DPP8: variants seen among roughly 807,000 people sequenced by gnomAD.
The protein encoded by DPP8 is DPP VIII.
DPP8 carries 31 observed loss-of-function variants against 107.5 expected under a neutral mutation model. That is an observed-to-expected ratio of 0.29 (90% confidence interval 0.22 to 0.39). The LOEUF is 0.39. Among genes scored for constraint, DPP8 ranks in the 10% least tolerant of loss-of-function variants. The pLI is 1.00. For missense variants in DPP8, 842 were observed against 1,076.1 expected (o/e 0.78, Z 3.04); for synonymous variants, 381 against 356.6 (o/e 1.07, Z -0.77).
chr15:65,485,069 CAGA>C, intron 8 of DPP8, 27 bp downstream of exon 8: 1 of 1,558,370 alleles, frequency 6.4e-7, no homozygotes, highest in Non-Finnish European at 8.9e-7. Flanking sequence ...TCAAATGACG[CAGA>C]AGGTCAACTC....
At chr15:65,453,258 C>T (rs1461955817) in intron 17 of DPP8, among the ~76,000 whole-genome samples, 5 of 152,182 alleles carry the variant, frequency 3.3e-5, no homozygotes, top group Admixed American at 2.0e-4. Flanking sequence ...AAACAGGTCC[C>T]TGCCCTCATA....
rs776564607 is a variant in DPP8, at chr15:65,463,782, C to T, written c.1950G>A (p.Leu650=). The T allele has an allele frequency of 3.7e-6, 6 of 1,612,930 alleles. No homozygotes were observed. In the African/African-American group the frequency reaches 4.0e-5, roughly 11 times the overall value. Residue 650 remains leucine, a synonymous_variant, in exon 15 of 20, where the codon CTG becomes CTA. Transcript: ENST00000300141. ...LQPGKKYPTV[L]FIYGGPQVQL... Reference sequence around the variant, plus strand: ...CCACCTGAGGACCACCATATATGAACAGCACAGTAGGATATTTCTTTCCAG... The same window carrying T: ...CCACCTGAGGACCACCATATATGAATAGCACAGTAGGATATTTCTTTCCAG...
At chr15:65,474,065 T>C (rs960301704) in intron 12 of DPP8, 144 bp downstream of exon 12, 5 of 626,532 alleles carry the variant, frequency 8.0e-6, no homozygotes, top group African/African-American at 5.5e-5. Context: ...GATCACCCCA[T>C]TGCACTCCAG....
chr15:65,483,727 G>A lies in DPP8; in HGVS notation c.1017+1372C>T, dbSNP rs1377387909. On this transcript the variant is annotated intron_variant, in intron 8 of 19. Transcript: ENST00000300141. ...AATAACTCAACAATTCTACTCCTAGGTATATACTCCAGAGAAATGAAAACA... is the reference window on the plus strand; with the variant it reads ...AATAACTCAACAATTCTACTCCTAGATATATACTCCAGAGAAATGAAAACA... Among the ~76,000 whole-genome samples the A allele has an allele frequency of 2.6e-5, 4 of 151,902 alleles. No individual in the cohort carries two copies. In the East Asian group the frequency reaches 7.7e-4, roughly 29 times the overall value.
Position 65,481,501 on chromosome 15 carries a change from T to A in DPP8, c.1118+14A>T, listed in dbSNP as rs748874316. The A allele has an allele frequency of 2.0e-6, 3 of 1,495,558 alleles. No homozygotes were observed. The East Asian group carries it at 7.0e-5, about 35-fold the overall frequency. 92.6% of individuals were successfully genotyped at this position (1,495,558 alleles called of 1,614,324 possible). ...TAAATTAGTTATAAAGAAGTAACAATTTAACATACGCACTATTTTCCCTCA... is the reference window on the plus strand; with the variant it reads ...TAAATTAGTTATAAAGAAGTAACAAATTAACATACGCACTATTTTCCCTCA... On this transcript the variant is annotated intron_variant, in intron 9 of 19. Coordinates refer to ENST00000300141, the MANE Select transcript of DPP8 (RefSeq NM_130434.5).
chr15:65,466,655 G>A (rs762359706), intron 14 of DPP8, 23 bp downstream of exon 14: 1 of 1,609,032 alleles, frequency 6.2e-7, no homozygotes, highest in Non-Finnish European at 8.5e-7. Flanking sequence ...CTTAACGTCA[G>A]GATCAGGGGG....
chr15:65,456,105 T>TGC, intron 16 of DPP8, 120 bp downstream of exon 16: 1 of 1,051,330 alleles, frequency 9.5e-7, no homozygotes. Flanking sequence ...CTCTAACACA[T>TGC]ACACTCTCAC....
chr15:65,477,529 ATTTTT>A (rs1174774140), intron 11 of DPP8, among the ~76,000 whole-genome samples: 4 of 139,864 alleles, frequency 2.9e-5, no homozygotes, highest in Admixed American at 2.2e-4. Flanking sequence ...CTTTTCCACA[ATTTTT>A]TTTTTTTTTT....
At chr15:65,471,002 T>G (rs1480673232) in intron 12 of DPP8, among the ~76,000 whole-genome samples, 1 of 151,314 alleles carries the variant, frequency 6.6e-6, no homozygotes, top group Non-Finnish European at 1.5e-5. Context: ...GAAAGAAAAC[T>G]GATAAACGTA....
intron 1 of DPP8, among the ~76,000 whole-genome samples, chr15:65,515,253 T>G (rs182257371): frequency 6.6e-6 from 1 of 152,344 alleles, no homozygotes; most frequent in Admixed American, 6.5e-5. Context: ...ATTATTCACG[T>G]CACATCTTTC....
intron 14 of DPP8, 54 bp downstream of exon 14, chr15:65,466,624 T>C (rs2065379767): frequency 6.8e-7 from 1 of 1,476,676 alleles, no homozygotes; most frequent in Non-Finnish European, 9.4e-7. Context: ...ACACGTTTAG[T>C]GTACTAATAT....
chr15:65,475,315 G>A, intron 11 of DPP8: 1 of 890,412 alleles, frequency 1.1e-6, no homozygotes, highest in Non-Finnish European at 1.8e-6. Flanking sequence ...GGTGGAAGTT[G>A]GGTCAGCTGC....
At chr15:65,481,914 G>C (rs554701596) in intron 8 of DPP8, among the ~76,000 whole-genome samples, 11 of 151,698 alleles carry the variant, frequency 7.3e-5, no homozygotes, top group Non-Finnish European at 1.5e-4. Flanking sequence ...AATCACCTTA[G>C]ACTCCAGTAT....
chr15:65,512,051 G>A lies in DPP8; in HGVS notation c.259+244C>T, dbSNP rs115786245. The A allele has an allele frequency of 2.6e-3, 1,635 of 636,760 alleles. 18 individuals carry two copies. In the African/African-American group the frequency reaches 0.026, roughly 10 times the overall value. 39.4% of individuals were successfully genotyped at this position (636,760 alleles called of 1,614,324 possible). On this transcript the variant is annotated intron_variant, in intron 2 of 19. Coordinates refer to ENST00000300141, the MANE Select transcript of DPP8 (RefSeq NM_130434.5). ...CATTTCAAGCTAGCTTTAGGAAGAA[G>A]CAATTTCTGGCATCTTCGATTTTGA... is the stretch of plus-strand genomic sequence containing the variant.
chr15:65,507,304 T>C lies in DPP8; in HGVS notation c.311A>G (p.Lys104Arg). The C allele has an allele frequency of 1.2e-6, 2 of 1,613,116 alleles. No individual in the cohort carries two copies. The highest frequency in any genetic ancestry group is 1.7e-6 in the Non-Finnish European group (2 of 1,179,444). The change falls in exon 3 of 20, where the codon AAA becomes AGA. Residue 104 changes from lysine to arginine, a missense_variant. Lys to Arg is a conservative substitution (Grantham distance 26). Transcript: ENST00000300141. ...TAAGACTGCTGCTCTATTGATAGTT[T>C]TGGGAATTTCAGAATAAAACAGTGT... is the stretch of plus-strand genomic sequence containing the variant. ...ENTLFYSEIP[K>R]TINRAAVLML...
chr15:65,512,941 T>C (rs2070983942), intron 1 of DPP8: 2 of 189,590 alleles, frequency 1.1e-5, no homozygotes, highest in Middle Eastern at 2.2e-3. Flanking sequence ...TGAAGCTAAC[T>C]CTGCCAAGGA....
chr15:65,455,492 G>T, intron 16 of DPP8: 1 of 242,944 alleles, frequency 4.1e-6, no homozygotes, highest in Non-Finnish European at 7.4e-6. Context: ...TTGAGGCCCT[G>T]TCTTCTTATT....
intron 6 of DPP8, 117 bp downstream of exon 6, chr15:65,490,072 A>C (rs1221509112): frequency 2.5e-5 from 16 of 646,732 alleles, no homozygotes; most frequent in Non-Finnish European, 4.1e-5. Context: ...ATCACTTTGG[A>C]ATCTATTATC....
rs1278365096 is a variant in DPP8, at chr15:65,466,665, GA to G, written c.1825+12del. 2 of 1,612,416 alleles carry G rather than the reference GA, an allele frequency of 1.2e-6. No homozygotes were observed. Among genetic ancestry groups the G allele is most frequent in the South Asian group, 1.1e-5 (1 of 91,026 alleles). ...TCCTACTTAACGTCAGGATCAGGGG[GA>G]AAAAAGAATACCTGCTGAATCCAAA... On this transcript the variant is annotated intron_variant, in intron 14 of 19. Coordinates refer to ENST00000300141, the MANE Select transcript of DPP8 (RefSeq NM_130434.5).
Sources: allele counts gnomAD v4.1 joint callset (sites outside exome capture counted in the v4.1 genomes callset), GRCh38; gene constraint gnomAD v4.1.1; transcripts MANE v1.5; gene names NCBI Gene and HGNC (gene_info 2026-07-23, HGNC 2026-07-21).